ANKS1B: variants seen among roughly 807,000 people sequenced by gnomAD.
ANKS1B encodes the protein ankyrin repeat and sterile alpha motif domain-containing protein 1B.
In ANKS1B, 36 loss-of-function variants were observed where a neutral mutation model predicts 148.3. The ratio of observed to expected loss-of-function variants is 0.24; its 90% CI spans 0.19 to 0.32. The LOEUF (loss-of-function observed/expected upper bound fraction) is 0.32, where lower values mean the gene tolerates loss of function less well. ANKS1B is among the 10% of genes least tolerant of loss of function. ANKS1B has a pLI of 1.00. For missense variants in ANKS1B, 1,157 were observed against 1,542.6 expected (o/e 0.75, Z 4.19); for synonymous variants, 542 against 560.8 (o/e 0.97, Z 0.47).
chr12:99,657,659 A>ATATATATATATATAT (rs66516058), intron 8 of ANKS1B, among the ~76,000 whole-genome samples: 1 of 146,798 alleles, frequency 6.8e-6, no homozygotes, highest in African/African-American at 2.5e-5. Flanking sequence ...ATATATATAT[A>ATATATATATATATAT]TGATAAAGTT....
chr12:99,342,957 T>C (rs775917654), intron 12 of ANKS1B, among the ~76,000 whole-genome samples: 1 of 151,922 alleles, frequency 6.6e-6, no homozygotes, highest in Non-Finnish European at 1.5e-5. Context: ...AAGAATACTA[T>C]AATTTATTTT....
rs144675619 is a variant in ANKS1B, at chr12:99,321,943, G to A, written c.1757-75079C>T. Among the ~76,000 whole-genome samples the A allele has an allele frequency of 6.1e-4, 93 of 152,322 alleles. 1 individual carries two copies. The highest frequency in any genetic ancestry group is 6.0e-3 in the Admixed American group (92 of 15,304). Reference sequence around the variant, plus strand: ...ATGAGTTCAACCATTGTGGAAGACAGTATGGTGATTCCTCAAAGATCTAGA... The same window carrying A: ...ATGAGTTCAACCATTGTGGAAGACAATATGGTGATTCCTCAAAGATCTAGA... On this transcript the variant is annotated intron_variant, in intron 12 of 26. Transcript: ENST00000683438.
chr12:99,782,247 A>G (rs1381657951), intron 4 of ANKS1B, 150 bp from the exon 5 acceptor site: 3 of 672,920 alleles, frequency 4.5e-6, no homozygotes, highest in Non-Finnish European at 7.4e-6. Context: ...TAAAGAAGAG[A>G]TTCTAAAAGC....
At chr12:99,857,907 T>C (rs2089427814) in intron 1 of ANKS1B, among the ~76,000 whole-genome samples, 1 of 152,102 alleles carries the variant, frequency 6.6e-6, no homozygotes, top group Admixed American at 6.5e-5. Flanking sequence ...CAAAGACTTA[T>C]ATCTAACATC....
intron 17 of ANKS1B, among the ~76,000 whole-genome samples, chr12:98,955,299 A>C (rs2099860379): frequency 6.6e-6 from 1 of 152,202 alleles, no homozygotes; most frequent in Admixed American, 6.5e-5. Context: ...TTATGTAGCT[A>C]TCTGAGGGAA....
At chr12:99,210,286 A>T (rs1437697364) in intron 14 of ANKS1B, among the ~76,000 whole-genome samples, 1 of 152,136 alleles carries the variant, frequency 6.6e-6, no homozygotes, top group Non-Finnish European at 1.5e-5. Flanking sequence ...CTCTTTCTTT[A>T]ACTCTTACAG....
chr12:98,740,423 A>T (rs2097792532), downstream of ANKS1B, among the ~76,000 whole-genome samples: 3 of 152,112 alleles, frequency 2.0e-5, no homozygotes, highest in South Asian at 6.2e-4. Context: ...TCTGCCCATA[A>T]CATTCTCAGG....
At chr12:99,198,023 C>G (rs1209206132) in intron 14 of ANKS1B, among the ~76,000 whole-genome samples, 1 of 152,066 alleles carries the variant, frequency 6.6e-6, no homozygotes, top group Non-Finnish European at 1.5e-5. Context: ...GCACCCCGCT[C>G]AATCCCAGCC....
At chr12:98,931,926 A>G (rs764962844) in intron 17 of ANKS1B, among the ~76,000 whole-genome samples, 8 of 152,136 alleles carry the variant, frequency 5.3e-5, no homozygotes, top group African/African-American at 7.2e-5. Context: ...GATTACTGGG[A>G]AGGAACACAC....
intron 8 of ANKS1B, among the ~76,000 whole-genome samples, chr12:99,721,389 G>T (rs1057467036): frequency 2.0e-5 from 3 of 152,142 alleles, no homozygotes; most frequent in Admixed American, 2.0e-4. Context: ...TACACATCCA[G>T]ATGGCCGGTT....
intron 14 of ANKS1B, among the ~76,000 whole-genome samples, chr12:99,187,607 A>G (rs1164609529): frequency 1.3e-5 from 2 of 152,186 alleles, no homozygotes. Flanking sequence ...TTTAAAAGTG[A>G]AGGAGAAATA....
At chr12:99,068,352 C>T (rs1300583895) in intron 16 of ANKS1B, among the ~76,000 whole-genome samples, 9 of 152,258 alleles carry the variant, frequency 5.9e-5, no homozygotes, top group Admixed American at 5.2e-4. Flanking sequence ...TAAGCTATTG[C>T]TCCTAGTCTA....
intron 15 of ANKS1B, among the ~76,000 whole-genome samples, chr12:99,129,072 T>C (rs992424059): frequency 9.2e-5 from 14 of 152,136 alleles, no homozygotes; most frequent in African/African-American, 3.1e-4. Context: ...CAAATTGAGT[T>C]GCAGTAGCAG....
rs57541875 is a variant in ANKS1B, at chr12:99,046,132, C to T, written c.2778+7025G>A. Among the ~76,000 whole-genome samples, 624 of 152,254 alleles carry T rather than the reference C, an allele frequency of 4.1e-3. 24 individuals are homozygous for T. The East Asian group carries it at 0.087, about 21-fold the overall frequency. ...TGGTCAAGTACTCAGAAGGGTATTG[C>T]CCTCGTGGTGGGGAAGTATTGTCAA... On this transcript the variant is annotated intron_variant, in intron 17 of 26. Coordinates refer to ENST00000683438, the MANE Select transcript of ANKS1B (RefSeq NM_001352186.2).
intron 1 of ANKS1B, among the ~76,000 whole-genome samples, chr12:99,928,303 G>A (rs60810047): frequency 0.011 from 1,565 of 142,308 alleles, 38 homozygotes; most frequent in African/African-American, 0.039. Context: ...ACGGAGTCTC[G>A]CTCTGTCGCC....
At chr12:99,887,496 C>T (rs778079485) in intron 1 of ANKS1B, among the ~76,000 whole-genome samples, 1 of 152,050 alleles carries the variant, frequency 6.6e-6, no homozygotes, top group Non-Finnish European at 1.5e-5. Flanking sequence ...ATATTTCCAG[C>T]GGCATCATGA....
chr12:99,512,859 C>T (rs2096780189), intron 9 of ANKS1B, among the ~76,000 whole-genome samples: 1 of 151,908 alleles, frequency 6.6e-6, no homozygotes, highest in African/African-American at 2.4e-5. Context: ...AATGAGAACA[C>T]ATGGACACAT....
At chr12:98,812,555 T>G (rs780228350) in intron 19 of ANKS1B, among the ~76,000 whole-genome samples, 30 of 152,208 alleles carry the variant, frequency 2.0e-4, no homozygotes, top group Non-Finnish European at 3.8e-4. Context: ...AAAGCAGTTG[T>G]GTTTGAGTTG....
chr12:98,948,948 T>C (rs1389080744), intron 17 of ANKS1B, among the ~76,000 whole-genome samples: 1 of 94,902 alleles, frequency 1.1e-5, no homozygotes, highest in Non-Finnish European at 1.9e-5. Flanking sequence ...CATGAGCTAC[T>C]TTTTTTTTTT....
Sources: allele counts gnomAD v4.1 joint callset (sites outside exome capture counted in the v4.1 genomes callset), GRCh38; gene constraint gnomAD v4.1.1; transcripts MANE v1.5; gene names NCBI Gene and HGNC (gene_info 2026-07-23, HGNC 2026-07-21).